Variants in LARP1B observed in about 807,000 individuals in gnomAD.
The protein encoded by LARP1B is La ribonucleoprotein 1B.
In LARP1B, 76 loss-of-function variants were observed where a neutral mutation model predicts 114.2. The ratio of observed to expected loss-of-function variants is 0.67; its 90% CI spans 0.55 to 0.81. The LOEUF (loss-of-function observed/expected upper bound fraction) is 0.81. Among genes scored for constraint, LARP1B ranks in the 30% least tolerant of loss-of-function variants. The pLI is 0.00. For synonymous variants in LARP1B, 345 were observed against 348.0 expected, an observed-to-expected ratio of 0.99 and a Z score of 0.10; for missense variants, 1,014 against 1,075.8, an observed-to-expected ratio of 0.94 and a Z score of 0.80.
At chr4:128,129,225 C>T (rs972309204) in intron 11 of LARP1B, among the ~76,000 whole-genome samples, 15 of 133,964 alleles carry the variant, frequency 1.1e-4, no homozygotes, top group African/African-American at 3.2e-4. Flanking sequence ...CGTGGTGGCG[C>T]GTGCCTGTAG....
chr4:128,142,730 A>G (rs910017491), intron 11 of LARP1B, among the ~76,000 whole-genome samples: 1 of 151,052 alleles, frequency 6.6e-6, no homozygotes, highest in Admixed American at 6.6e-5. Flanking sequence ...CTGGTCTCGA[A>G]CTCCCAACCT....
chr4:128,149,962 C>G (rs1194991810), intron 11 of LARP1B, among the ~76,000 whole-genome samples: 1 of 152,112 alleles, frequency 6.6e-6, no homozygotes, highest in Non-Finnish European at 1.5e-5. Context: ...ACCATCCTGG[C>G]CTACATGGTG....
intron 12 of LARP1B, among the ~76,000 whole-genome samples, chr4:128,172,660 T>C (rs1057203084): frequency 6.6e-6 from 1 of 151,792 alleles, no homozygotes; most frequent in Non-Finnish European, 1.5e-5. Flanking sequence ...ACCACTGCAT[T>C]CCAGCCTGGG....
intron 12 of LARP1B, among the ~76,000 whole-genome samples, chr4:128,167,095 T>C (rs570925873): frequency 6.6e-6 from 1 of 151,314 alleles, no homozygotes; most frequent in East Asian, 1.9e-4. Context: ...TTTCTCTGTT[T>C]ATCATAAGTG....
intron 8 of LARP1B, among the ~76,000 whole-genome samples, chr4:128,103,863 C>T (rs967511503): frequency 3.4e-5 from 5 of 147,068 alleles, no homozygotes; most frequent in African/African-American, 5.0e-5. Flanking sequence ...TGCCTGGCCT[C>T]CTCTTTTTTT....
chr4:128,115,924 G>C (rs1263087087), intron 10 of LARP1B, among the ~76,000 whole-genome samples: 1 of 152,238 alleles, frequency 6.6e-6, no homozygotes, highest in Non-Finnish European at 1.5e-5. Context: ...CTCCCAGAGT[G>C]CTAGGATTAC....
intron 12 of LARP1B, among the ~76,000 whole-genome samples, chr4:128,173,340 T>C (rs1405366852): frequency 6.6e-6 from 1 of 152,158 alleles, no homozygotes; most frequent in African/African-American, 2.4e-5. Context: ...GCCAAAAATA[T>C]TTACTATCTA....
intron 15 of LARP1B, among the ~76,000 whole-genome samples, chr4:128,191,954 G>A (rs1301517975): frequency 6.6e-6 from 1 of 152,126 alleles, no homozygotes; most frequent in African/African-American, 2.4e-5. Context: ...GCAAAGAGAA[G>A]GCTATTTCTC....
intron 12 of LARP1B, among the ~76,000 whole-genome samples, chr4:128,176,545 C>T (rs1428105786): frequency 3.3e-5 from 5 of 152,114 alleles, no homozygotes; most frequent in South Asian, 4.1e-4. Flanking sequence ...CTACCCGCCT[C>T]GGCCTCCCAA....
chr4:128,132,988 C>G (rs370063407), intron 11 of LARP1B, among the ~76,000 whole-genome samples: 4 of 151,986 alleles, frequency 2.6e-5, no homozygotes, highest in Non-Finnish European at 5.9e-5. Context: ...CTAGATTCCT[C>G]GCATTTGCAG....
chr4:128,177,127 A>C (rs1746583321), intron 13 of LARP1B, among the ~76,000 whole-genome samples: 1 of 152,216 alleles, frequency 6.6e-6, no homozygotes, highest in South Asian at 2.1e-4. Context: ...GCCAGGGTAA[A>C]GAGCCTAGGC....
Position 128,210,064 on chromosome 4 carries a change from C to CTGTGTG in LARP1B, c.*16_*17insGTGTGT, listed in dbSNP as rs1758711196. 3.1e-6 allele frequency: 5 copies of CTGTGTG among 1,613,802 alleles called. No individual in the cohort carries two copies. The highest frequency in any genetic ancestry group is 4.2e-6 in the Non-Finnish European group (5 of 1,179,744). ...GACAATTCACATTAAACAGTGCTGCCTGTGTCCTGTGGTCTCAAGAAATGG... is the reference window on the plus strand; with the variant it reads ...GACAATTCACATTAAACAGTGCTGCCTGTGTGTGTGTCCTGTGGTCTCAAGAAATGG... On this transcript the variant is annotated 3_prime_UTR_variant, in exon 20 of 20. Coordinates refer to ENST00000326639, the MANE Select transcript of LARP1B (RefSeq NM_018078.4).
chr4:128,198,097 C>A (rs535268444), intron 15 of LARP1B, among the ~76,000 whole-genome samples: 1 of 151,944 alleles, frequency 6.6e-6, no homozygotes, highest in Non-Finnish European at 1.5e-5. Flanking sequence ...GTTGGCCAGG[C>A]TGGTCTCGAA....
chr4:128,163,720 C>G (rs998769905), intron 12 of LARP1B, among the ~76,000 whole-genome samples: 1 of 152,082 alleles, frequency 6.6e-6, no homozygotes, highest in Non-Finnish European at 1.5e-5. Context: ...TTTAAATGAT[C>G]ATTGTGAACT....
chr4:128,101,775 C>T (rs563569873), intron 8 of LARP1B, among the ~76,000 whole-genome samples: 20 of 152,186 alleles, frequency 1.3e-4, no homozygotes, highest in East Asian at 9.7e-4. Flanking sequence ...CTACCGCCGC[C>T]GGCATTAGAA....
At chr4:128,078,612 A>G (rs1768950027) in intron 4 of LARP1B, among the ~76,000 whole-genome samples, 1 of 151,960 alleles carries the variant, frequency 6.6e-6, no homozygotes, top group Non-Finnish European at 1.5e-5. Context: ...AAAAAAAAAA[A>G]GTGAGAATAA....
intron 17 of LARP1B, among the ~76,000 whole-genome samples, chr4:128,201,961 GAGAAGA>G (rs778144763): frequency 6.6e-6 from 1 of 152,104 alleles, no homozygotes; most frequent in Non-Finnish European, 1.5e-5. Flanking sequence ...TGTGATCTTT[GAGAAGA>G]ATACAAGGTG....
intron 9 of LARP1B, 114 bp downstream of exon 9, chr4:128,107,427 CTGAAAGACTTTT>C (rs772664365): frequency 2.7e-5 from 41 of 1,519,004 alleles, no homozygotes; most frequent in Non-Finnish European, 3.5e-5. Context: ...TTAAAGCTAA[CTGAAAGACTTTT>C]GAGTCCCATT....
At chr4:128,143,310 CATT>C (rs1404169811) in intron 11 of LARP1B, among the ~76,000 whole-genome samples, 1 of 152,124 alleles carries the variant, frequency 6.6e-6, no homozygotes, top group African/African-American at 2.4e-5. Flanking sequence ...AGTTTTGCCT[CATT>C]ATGTAAATTC....
Sources: gnomAD v4.1 joint callset for allele counts (sites outside exome capture counted in the v4.1 genomes callset) on GRCh38, gnomAD v4.1.1 for gene constraint, MANE v1.5 for transcripts, NCBI Gene and HGNC (gene_info 2026-07-23, HGNC 2026-07-21) for gene names.